ADAMTSL1: variants seen among roughly 807,000 people sequenced by gnomAD.
ADAMTSL1 encodes ADAMTS-like protein 1.
ADAMTSL1 carries 126 observed loss-of-function variants against 201.8 expected under a neutral mutation model. The observed-to-expected ratio is 0.62, with a 90% confidence interval of 0.54 to 0.72. ADAMTSL1 has a LOEUF of 0.72. Among genes scored for constraint, ADAMTSL1 ranks in the 30% least tolerant of loss-of-function variants. The pLI, the probability that ADAMTSL1 is intolerant of heterozygous loss-of-function variation, is 0.00. For missense variants in ADAMTSL1, 2,679 were observed against 2,277.8 expected (o/e 1.18, Z -3.59); for synonymous variants, 1,121 against 903.4 (o/e 1.24, Z -4.32).
intron 2 of ADAMTSL1, among the ~76,000 whole-genome samples, chr9:18,234,421 T>C (rs1256864863): frequency 6.6e-6 from 1 of 151,276 alleles, no homozygotes; most frequent in African/African-American, 2.4e-5. Context: ...CTTGAGCTTC[T>C]GGTGTTCTAG....
intron 1 of ADAMTSL1, among the ~76,000 whole-genome samples, chr9:17,940,052 A>G (rs1410673803): frequency 6.6e-6 from 1 of 152,020 alleles, no homozygotes; most frequent in African/African-American, 2.4e-5. Flanking sequence ...GGATGAAACA[A>G]TAGGTGTGGT....
chr9:18,617,950 G>A (rs17229477), intron 4 of ADAMTSL1, among the ~76,000 whole-genome samples: 15,377 of 152,150 alleles, frequency 0.1, 968 homozygotes, highest in Non-Finnish European at 0.14. Flanking sequence ...GTTTTCCACT[G>A]TTTGCAAAAA....
intron 7 of ADAMTSL1, among the ~76,000 whole-genome samples, chr9:18,650,205 A>T (rs1309143753): frequency 6.6e-6 from 1 of 152,156 alleles, no homozygotes; most frequent in Non-Finnish European, 1.5e-5. Flanking sequence ...CATGTGCGGG[A>T]TATAATCTCC....
At chr9:18,430,722 C>A (rs1483892855) in intron 2 of ADAMTSL1, among the ~76,000 whole-genome samples, 1 of 152,130 alleles carries the variant, frequency 6.6e-6, no homozygotes, top group African/African-American at 2.4e-5. Flanking sequence ...TCTCCTTGCA[C>A]CAAGCACACA....
chr9:18,008,376 A>G (rs774348735), intron 1 of ADAMTSL1, among the ~76,000 whole-genome samples: 6 of 151,970 alleles, frequency 3.9e-5, no homozygotes, highest in Admixed American at 1.3e-4. Flanking sequence ...AAGAGATCCC[A>G]ATACTCTTGG....
At chr9:18,034,820 T>A (rs184937624) in intron 1 of ADAMTSL1, among the ~76,000 whole-genome samples, 84 of 152,352 alleles carry the variant, frequency 5.5e-4, no homozygotes, top group African/African-American at 2.0e-3. Flanking sequence ...TAAAAAACTT[T>A]TAGTCTTATT....
chr9:18,899,208 A>C (rs935385055), intron 26 of ADAMTSL1, among the ~76,000 whole-genome samples: 1 of 152,136 alleles, frequency 6.6e-6, no homozygotes, highest in African/African-American at 2.4e-5. Flanking sequence ...TTGCTACAAA[A>C]AGAATAAAAT....
At chr9:18,705,739 T>C (rs1832191533) in intron 13 of ADAMTSL1, among the ~76,000 whole-genome samples, 1 of 152,184 alleles carries the variant, frequency 6.6e-6, no homozygotes, top group South Asian at 2.1e-4. Flanking sequence ...CTTATACATA[T>C]AAATAAATCT....
chr9:18,572,808 A>T (rs1203728875), intron 3 of ADAMTSL1, among the ~76,000 whole-genome samples: 3 of 152,208 alleles, frequency 2.0e-5, no homozygotes, highest in Non-Finnish European at 2.9e-5. Flanking sequence ...TCTCACAATG[A>T]TAATGTAGTA....
chr9:18,061,197 A>G (rs986944498), intron 1 of ADAMTSL1, among the ~76,000 whole-genome samples: 1 of 152,242 alleles, frequency 6.6e-6, no homozygotes, highest in Non-Finnish European at 1.5e-5. Flanking sequence ...GTTACATTTA[A>G]GTATTTGTGT....
rs536659454 is a variant in ADAMTSL1 at position 18,227,232 on chromosome 9, G to A, written c.207+63251G>A. Among the ~76,000 whole-genome samples, 28 of 152,046 alleles carry A rather than the reference G, an allele frequency of 1.8e-4. No homozygotes were observed. The East Asian group carries it at 2.5e-3, about 14-fold the overall frequency. The stretch of plus-strand genomic sequence containing the variant: ...TAAATCGCTTATGTTCTGCATTGTC[G>A]TATATTTTTCAACTCAGCAGTTATG... On this transcript the variant is annotated intron_variant, in intron 2 of 29. Coordinates refer to the ADAMTSL1 transcript ENST00000680146.
chr9:18,817,685 C>T (rs1730246680), intron 21 of ADAMTSL1, among the ~76,000 whole-genome samples: 1 of 152,160 alleles, frequency 6.6e-6, no homozygotes, highest in African/African-American at 2.4e-5. Context: ...AAGACAAAGC[C>T]ACCAGCATTG....
intron 20 of ADAMTSL1, among the ~76,000 whole-genome samples, chr9:18,798,969 C>G (rs188832840): frequency 6.6e-6 from 1 of 151,856 alleles, no homozygotes; most frequent in Non-Finnish European, 1.5e-5. Flanking sequence ...CTAAACTCTT[C>G]CATTACGTGC....
intron 2 of ADAMTSL1, among the ~76,000 whole-genome samples, chr9:18,374,957 G>C (rs1319677384): frequency 6.6e-6 from 1 of 152,218 alleles, no homozygotes; most frequent in Non-Finnish European, 1.5e-5. Flanking sequence ...ACTATGATTT[G>C]AATACTCTAG....
At chr9:18,235,162 TCCCC>T (rs1830796127) in intron 2 of ADAMTSL1, among the ~76,000 whole-genome samples, 1 of 152,164 alleles carries the variant, frequency 6.6e-6, no homozygotes, top group Admixed American at 6.5e-5. Context: ...CTCCCTAGGC[TCCCC>T]TTGGCTAGGA....
At chr9:17,971,729 CT>C (rs1427899310) in intron 1 of ADAMTSL1, among the ~76,000 whole-genome samples, 1 of 151,820 alleles carries the variant, frequency 6.6e-6, no homozygotes, top group Non-Finnish European at 1.5e-5. Flanking sequence ...GGTAGTTCTT[CT>C]GCCTGTACAC....
At chr9:18,559,874 G>A (rs550901305) in intron 3 of ADAMTSL1, among the ~76,000 whole-genome samples, 1 of 152,298 alleles carries the variant, frequency 6.6e-6, no homozygotes, top group East Asian at 1.9e-4. Flanking sequence ...CTGAGACTTT[G>A]CTAAAGTTGC....
chr9:18,522,439 T>TTTTTA (rs1165348057), intron 2 of ADAMTSL1, among the ~76,000 whole-genome samples: 1 of 152,082 alleles, frequency 6.6e-6, no homozygotes, highest in African/African-American at 2.4e-5. Context: ...GAATGTAGAA[T>TTTTTA]TTTTATTTTA....
At chr9:18,089,957 T>A (rs1433995478) in intron 1 of ADAMTSL1, among the ~76,000 whole-genome samples, 1 of 152,216 alleles carries the variant, frequency 6.6e-6, no homozygotes, top group African/African-American at 2.4e-5. Context: ...TTAAGGTTGG[T>A]AATTATAATT....
Sources: allele counts gnomAD v4.1 joint callset (sites outside exome capture counted in the v4.1 genomes callset), GRCh38; gene constraint gnomAD v4.1.1; transcripts MANE v1.5; gene names NCBI Gene and HGNC (gene_info 2026-07-23, HGNC 2026-07-21).